The following GSK3B variants were observed in gnomAD, a reference collection of about 807,000 sequenced individuals.
GSK3B encodes glycogen synthase kinase-3 beta.
A neutral mutation model predicts 56.4 loss-of-function variants in GSK3B; 15 were observed. The ratio of observed to expected loss-of-function variants is 0.27; its 90% CI spans 0.18 to 0.41. The LOEUF (loss-of-function observed/expected upper bound fraction) is 0.41, where lower values mean the gene tolerates loss of function less well. GSK3B is among the 10% of genes least tolerant of loss of function. The pLI is 1.00. For synonymous variants in GSK3B, 181 were observed against 188.9 expected (o/e 0.96, Z 0.34); for missense variants, 300 against 513.4 (o/e 0.58, Z 4.02).
chr3:119,909,396 C>G (rs1270240993), intron 6 of GSK3B, among the ~76,000 whole-genome samples: 1 of 152,144 alleles, frequency 6.6e-6, no homozygotes, highest in African/African-American at 2.4e-5. Context: ...TGTTTCTGGA[C>G]TAAAGGAATT....
intron 2 of GSK3B, among the ~76,000 whole-genome samples, chr3:119,972,000 T>C (rs191118341): frequency 1.6e-3 from 251 of 152,358 alleles, no homozygotes; most frequent in Non-Finnish European, 3.0e-3. Flanking sequence ...AATTTCTTCC[T>C]AGCCTCCAGA....
intron 2 of GSK3B, among the ~76,000 whole-genome samples, chr3:119,968,148 C>G (rs2057336646): frequency 6.6e-6 from 1 of 152,150 alleles, no homozygotes; most frequent in Non-Finnish European, 1.5e-5. Flanking sequence ...GCCACCACGT[C>G]CAGCCCATTT....
At position 119,822,243 on chromosome 3, in the gene GSK3B, T is replaced by TTATATATATATATATATA. The variant is rs71156775; in HGVS notation, c.*4527_*4544dup. 6.4e-6 allele frequency: 1 copy of TTATATATATATATATATA among 155,678 alleles called. No homozygotes were observed. The highest frequency in any genetic ancestry group is 7.0e-5 in the Admixed American group (1 of 14,274). The allele number at this position is 155,678 out of a possible 1,614,324, so 9.6% of individuals were successfully genotyped here. A position where few individuals can be genotyped will look rare whatever the true frequency, so the allele number is the denominator to read the frequency against. On this transcript the variant is annotated 3_prime_UTR_variant, in exon 11 of 11. Coordinates refer to ENST00000264235, the MANE Select transcript of GSK3B (RefSeq NM_001146156.2). ...TAGTTTGTATACAACCCACAGTCCT[T>TTATATATATATATATATA]TATATATATATATATATATATATAA...
At chr3:119,983,334 G>A (rs2057482547) in intron 2 of GSK3B, among the ~76,000 whole-genome samples, 2 of 152,118 alleles carry the variant, frequency 1.3e-5, no homozygotes, top group South Asian at 4.1e-4. Flanking sequence ...CATAATGACA[G>A]GAACAAATTC....
At chr3:120,036,185 T>C (rs1398077611) in intron 1 of GSK3B, among the ~76,000 whole-genome samples, 1 of 152,238 alleles carries the variant, frequency 6.6e-6, no homozygotes, top group East Asian at 1.9e-4. Context: ...GAATGTACTT[T>C]TTAACATATC....
chr3:119,952,915 C>T (rs2057172453), intron 2 of GSK3B, among the ~76,000 whole-genome samples: 1 of 151,844 alleles, frequency 6.6e-6, no homozygotes, highest in Non-Finnish European at 1.5e-5. Context: ...CAAGTGAGGA[C>T]CACCAGATAT....
intron 1 of GSK3B, among the ~76,000 whole-genome samples, chr3:120,083,923 G>A (rs1317149797): frequency 6.6e-6 from 1 of 152,174 alleles, no homozygotes; most frequent in Non-Finnish European, 1.5e-5. Context: ...TCCAGAACAG[G>A]CAAATCTATA....
chr3:120,092,961 T>C (rs1417497928), intron 1 of GSK3B, among the ~76,000 whole-genome samples: 2 of 152,146 alleles, frequency 1.3e-5, no homozygotes, highest in African/African-American at 4.8e-5. Context: ...ATTCTGCAAA[T>C]GTGCATAATG....
intron 1 of GSK3B, among the ~76,000 whole-genome samples, chr3:120,038,699 G>A (rs2058041548): frequency 6.6e-6 from 1 of 151,896 alleles, no homozygotes. Flanking sequence ...AGCTCAAACT[G>A]CATCATAGAC....
intron 6 of GSK3B, among the ~76,000 whole-genome samples, chr3:119,910,295 G>C (rs1186445358): frequency 6.6e-6 from 1 of 152,168 alleles, no homozygotes; most frequent in African/African-American, 2.4e-5. Context: ...GCATACGTCA[G>C]AGATGTTGCA....
At chr3:120,081,746 T>C (rs1169980653) in intron 1 of GSK3B, among the ~76,000 whole-genome samples, 2 of 152,028 alleles carry the variant, frequency 1.3e-5, no homozygotes, top group Admixed American at 6.6e-5. Flanking sequence ...CTGCAGAAAA[T>C]ACAAAGATGC....
chr3:119,909,352 G>C (rs766464114), intron 6 of GSK3B, among the ~76,000 whole-genome samples: 5 of 152,118 alleles, frequency 3.3e-5, no homozygotes, highest in Non-Finnish European at 5.9e-5. Flanking sequence ...TTACTGTGGG[G>C]ATGTTTTTGG....
At chr3:119,869,925 G>T (rs1359991676) in intron 8 of GSK3B, among the ~76,000 whole-genome samples, 1 of 152,174 alleles carries the variant, frequency 6.6e-6, no homozygotes, top group Admixed American at 6.5e-5. Context: ...CTACACAGGA[G>T]TGGGATTTGC....
intron 7 of GSK3B, among the ~76,000 whole-genome samples, chr3:119,884,726 T>G (rs749726107): frequency 1.1e-4 from 16 of 152,126 alleles, no homozygotes; most frequent in Non-Finnish European, 2.2e-4. Context: ...TGAATCCTTT[T>G]GAGTTGTATA....
At chr3:119,953,214 C>G (rs2057175117) in intron 2 of GSK3B, among the ~76,000 whole-genome samples, 1 of 152,032 alleles carries the variant, frequency 6.6e-6, no homozygotes, top group Admixed American at 6.5e-5. Context: ...TAAAAATCAA[C>G]AGCAGACTTA....
intron 2 of GSK3B, among the ~76,000 whole-genome samples, chr3:119,949,346 T>A (rs2057131762): frequency 6.6e-6 from 1 of 152,148 alleles, no homozygotes; most frequent in South Asian, 2.1e-4. Context: ...GAAAATCTCA[T>A]GAAACAGGTA....
intron 8 of GSK3B, among the ~76,000 whole-genome samples, chr3:119,873,306 T>C (rs1032903361): frequency 1.3e-5 from 2 of 152,080 alleles, no homozygotes; most frequent in Non-Finnish European, 2.9e-5. Flanking sequence ...AAAGACATTT[T>C]CTCTTTTGGT....
At chr3:119,950,022 T>C (rs2057141395) in intron 2 of GSK3B, among the ~76,000 whole-genome samples, 1 of 151,804 alleles carries the variant, frequency 6.6e-6, no homozygotes, top group African/African-American at 2.4e-5. Context: ...AAAGCAAGGG[T>C]ACCTAATGAT....
chr3:119,977,378 C>T (rs2057418047), intron 2 of GSK3B, among the ~76,000 whole-genome samples: 1 of 152,154 alleles, frequency 6.6e-6, no homozygotes. Context: ...CAAAGATTCC[C>T]AGCCTATATG....
Sources: allele counts gnomAD v4.1 joint callset (sites outside exome capture counted in the v4.1 genomes callset), GRCh38; gene constraint gnomAD v4.1.1; transcripts MANE v1.5; gene names NCBI Gene and HGNC (gene_info 2026-07-23, HGNC 2026-07-21).